The following JMJD1C variants were observed in gnomAD, a reference collection of about 807,000 sequenced individuals.
JMJD1C encodes the protein jumonji domain-containing protein 1C.
A neutral mutation model predicts 245.3 loss-of-function variants in JMJD1C; 31 were observed. That is an observed-to-expected ratio of 0.13 (90% CI 0.09 to 0.17). The LOEUF is 0.17. Among genes scored for constraint, JMJD1C ranks in the 10% least tolerant of loss-of-function variants. The pLI, the probability that JMJD1C is intolerant of heterozygous loss-of-function variation, is 1.00. For synonymous variants in JMJD1C, 1,057 were observed against 1,017.4 expected, an observed-to-expected ratio of 1.04 and a Z score of -0.74; for missense variants, 2,691 against 3,000.2, an observed-to-expected ratio of 0.90 and a Z score of 2.41.
chr10:63,434,708 A>G (rs914215422), intron 1 of JMJD1C, among the ~76,000 whole-genome samples: 9 of 152,068 alleles, frequency 5.9e-5, no homozygotes, highest in African/African-American at 2.2e-4. Flanking sequence ...GTCAGAGCGC[A>G]TCTATTAAGA....
intron 1 of JMJD1C, among the ~76,000 whole-genome samples, chr10:63,416,183 A>G (rs935690326): frequency 6.6e-6 from 1 of 152,170 alleles, no homozygotes; most frequent in African/African-American, 2.4e-5. Context: ...CTAAAATAAG[A>G]GAAACTTATA....
At chr10:63,388,196 G>C (rs1947780806) in intron 1 of JMJD1C, among the ~76,000 whole-genome samples, 1 of 152,076 alleles carries the variant, frequency 6.6e-6, no homozygotes, top group East Asian at 1.9e-4. Context: ...TAGTAAAAAT[G>C]TCACTAAGTC....
In JMJD1C at chr10:63,263,959, TACACACACACACAC is replaced by T. The variant is rs746833882; in HGVS notation, c.447+678_447+691del. Among the ~76,000 whole-genome samples, 80 of 83,016 alleles carry T rather than the reference TACACACACACACAC, an allele frequency of 9.6e-4. 1 individual carries two copies. Among genetic ancestry groups the T allele is most frequent in the African/African-American group, 2.3e-3 (55 of 23,840 alleles). 54.5% of individuals were successfully genotyped at this position (83,016 alleles called of 152,430 possible). ...AAAAAAAAAAAAAAAAAAATACACA[TACACACACACACAC>T]ACACACACACACACACACACACACA... On this transcript the variant is annotated intron_variant, in intron 3 of 25. Coordinates refer to ENST00000399262, the MANE Select transcript of JMJD1C (RefSeq NM_032776.3).
intron 1 of JMJD1C, among the ~76,000 whole-genome samples, chr10:63,418,053 C>T (rs1020566441): frequency 6.6e-6 from 1 of 152,186 alleles, no homozygotes; most frequent in African/African-American, 2.4e-5. Flanking sequence ...AGATAAATAA[C>T]CTTTAGCTTT....
At chr10:63,382,973 C>T in intron 1 of JMJD1C, 1 of 378,840 alleles carries the variant, frequency 2.6e-6, no homozygotes, top group Non-Finnish European at 5.2e-6. Context: ...AAATACCGTC[C>T]TATATTTTTA....
At chr10:63,340,557 T>C (rs1388663013) in intron 2 of JMJD1C, among the ~76,000 whole-genome samples, 2 of 152,238 alleles carry the variant, frequency 1.3e-5, no homozygotes, top group Admixed American at 6.5e-5. Context: ...GAAAGTCAAG[T>C]TGTTAGAGAA....
intron 15 of JMJD1C, 21 bp from the exon 16 acceptor site, chr10:63,193,172 C>T (rs754057538): frequency 1.3e-6 from 2 of 1,579,716 alleles, no homozygotes; most frequent in South Asian, 1.1e-5. Context: ...AGAACAATTA[C>T]ATTTTTAAAC....
chr10:63,515,287 T>C (rs375386264), intron 1 of JMJD1C, among the ~76,000 whole-genome samples: 3 of 152,348 alleles, frequency 2.0e-5, no homozygotes, highest in African/African-American at 7.2e-5. Flanking sequence ...AGAAATAATT[T>C]CTCCTGAGGG....
At chr10:63,408,948 G>A (rs1347626968) in intron 1 of JMJD1C, among the ~76,000 whole-genome samples, 1 of 152,090 alleles carries the variant, frequency 6.6e-6, no homozygotes, top group African/African-American at 2.4e-5. Context: ...GTACTGAAAT[G>A]ATTTTACGTA....
chr10:63,284,613 T>C (rs917832745), intron 2 of JMJD1C, among the ~76,000 whole-genome samples: 2 of 152,174 alleles, frequency 1.3e-5, no homozygotes, highest in African/African-American at 4.8e-5. Context: ...TAAGTTCCTA[T>C]GGCATGTTTC....
chr10:63,255,410 C>G (rs1589298499), intron 3 of JMJD1C, among the ~76,000 whole-genome samples: 3 of 152,212 alleles, frequency 2.0e-5, no homozygotes, highest in East Asian at 1.9e-4. Flanking sequence ...CAAATGAAAA[C>G]TAGTGTTATG....
At chr10:63,212,182 G>C (rs968714915) in intron 8 of JMJD1C, among the ~76,000 whole-genome samples, 3 of 152,172 alleles carry the variant, frequency 2.0e-5, no homozygotes, top group Admixed American at 6.5e-5. Flanking sequence ...AGGGGAGTTA[G>C]TGTTTAATGG....
chr10:63,294,985 A>G (rs1043477919), intron 2 of JMJD1C, among the ~76,000 whole-genome samples: 4 of 152,042 alleles, frequency 2.6e-5, no homozygotes, highest in Non-Finnish European at 5.9e-5. Flanking sequence ...TTATGAGGAA[A>G]TTATGTAAGA....
intron 1 of JMJD1C, among the ~76,000 whole-genome samples, chr10:63,394,491 T>C (rs546037734): frequency 6.6e-6 from 1 of 152,264 alleles, no homozygotes; most frequent in East Asian, 1.9e-4. Context: ...AATATAATAT[T>C]CGTGACCTTG....
rs1267224480 is a variant in JMJD1C at position 63,207,166 on chromosome 10, C to T, written c.4503G>A (p.Glu1501=). 6.2e-7 allele frequency: 1 copy of T among 1,614,126 alleles called. No individual in the cohort carries two copies. The highest frequency in any genetic ancestry group is 8.5e-7 in the Non-Finnish European group (1 of 1,180,002). Residue 1501 remains glutamate, a synonymous_variant, in exon 10 of 26, where the codon GAG becomes GAA. Coordinates refer to ENST00000399262, the MANE Select transcript of JMJD1C (RefSeq NM_032776.3). ...GATTTTTTATAGCATTAGGTTCAGT[C>T]TCACTGGCATTACTACTTTTATACT... ...AAQYKSSNAS[E]TEPNAIKNQT...
At chr10:63,521,619 AG>A (rs1190846726) in intron 1 of JMJD1C, 2 of 1,355,580 alleles carry the variant, frequency 1.5e-6, no homozygotes, top group Non-Finnish European at 1.9e-6. Context: ...CGCGAGGCCC[AG>A]GGGAGCTGTG....
At chr10:63,303,658 T>A (rs990292337) in intron 2 of JMJD1C, among the ~76,000 whole-genome samples, 19 of 152,198 alleles carry the variant, frequency 1.2e-4, no homozygotes, top group African/African-American at 4.1e-4. Context: ...ACGTATAACG[T>A]ACATATGTGA....
In JMJD1C at chr10:63,501,126, T is replaced by C. The variant is rs183197993; in HGVS notation, n.113+20612A>G. Among the ~76,000 whole-genome samples, 1,065 of 152,284 alleles carry C rather than the reference T, an allele frequency of 7.0e-3. 5 individuals carry two copies. The highest frequency in any genetic ancestry group is 9.9e-3 in the Non-Finnish European group (671 of 68,022). On this transcript the variant is annotated intron_variant and non_coding_transcript_variant, in intron 1 of 3. Transcript: ENST00000633035. ...CACAGCTTGAACCCAGGCCTCTGGC[T>C]CTTGAACCTGCCAGACGCGGTAGCT...
chr10:63,464,712 GAT>G (rs1333312631), intron 1 of JMJD1C, among the ~76,000 whole-genome samples: 4 of 148,040 alleles, frequency 2.7e-5, no homozygotes, highest in African/African-American at 9.9e-5. Flanking sequence ...AAAAAAAAAA[GAT>G]AATCAATTCT....
Sources: allele counts gnomAD v4.1 joint callset (sites outside exome capture counted in the v4.1 genomes callset), GRCh38; gene constraint gnomAD v4.1.1; transcripts MANE v1.5; gene names NCBI Gene and HGNC (gene_info 2026-07-23, HGNC 2026-07-21).